Variants in SORCS1 observed in about 807,000 individuals in gnomAD.
SORCS1 encodes VPS10 domain-containing receptor SorCS1.
Under a neutral mutation model 146.1 loss-of-function variants are expected in SORCS1, and 60 were observed. The ratio of observed to expected loss-of-function variants is 0.41; its 90% CI spans 0.33 to 0.51. SORCS1 has a LOEUF of 0.51. Ranked by LOEUF, SORCS1 falls within the 20% of genes least tolerant of loss-of-function variation. The pLI is 0.21. For synonymous variants in SORCS1, 637 were observed against 584.0 expected (o/e 1.09, Z -1.31); for missense variants, 1,352 against 1,487.6 (o/e 0.91, Z 1.50).
At chr10:106,748,755 AGTGT>A (rs966238312) in intron 5 of SORCS1, among the ~76,000 whole-genome samples, 1 of 152,114 alleles carries the variant, frequency 6.6e-6, no homozygotes, top group Non-Finnish European at 1.5e-5. Flanking sequence ...CCTGTGTGTG[AGTGT>A]GTGTAACAAT....
intron 2 of SORCS1, among the ~76,000 whole-genome samples, chr10:106,945,594 T>C (rs996556142): frequency 5.3e-5 from 8 of 152,218 alleles, no homozygotes; most frequent in Admixed American, 1.3e-4. Flanking sequence ...GGAATTAATA[T>C]TCTAAATGCT....
intron 24 of SORCS1, among the ~76,000 whole-genome samples, chr10:106,594,908 T>C (rs2133298422): frequency 6.6e-6 from 1 of 152,366 alleles, no homozygotes; most frequent in East Asian, 1.9e-4. Flanking sequence ...CATGGTCTGA[T>C]TAGATGAAAT....
intron 18 of SORCS1, among the ~76,000 whole-genome samples, chr10:106,645,764 TTATTA>T (rs1422725872): frequency 6.6e-6 from 1 of 151,988 alleles, no homozygotes; most frequent in Non-Finnish European, 1.5e-5. Context: ...CAAAATAATT[TTATTA>T]TTTTATTACT....
At chr10:106,659,162 C>T (rs1365803425) in intron 17 of SORCS1, among the ~76,000 whole-genome samples, 1 of 152,230 alleles carries the variant, frequency 6.6e-6, no homozygotes, top group Non-Finnish European at 1.5e-5. Context: ...CCAAGTTTCT[C>T]TCTTCAAGGC....
At chr10:106,822,393 T>C (rs1281446736) in intron 3 of SORCS1, among the ~76,000 whole-genome samples, 1 of 152,154 alleles carries the variant, frequency 6.6e-6, no homozygotes, top group Non-Finnish European at 1.5e-5. Flanking sequence ...CCGCAGGGAC[T>C]TCTTGGAGTG....
intron 1 of SORCS1, among the ~76,000 whole-genome samples, chr10:106,965,452 A>G (rs1431555509): frequency 6.6e-6 from 1 of 152,144 alleles, no homozygotes; most frequent in Non-Finnish European, 1.5e-5. Context: ...AGAGTGGGGA[A>G]TGGCTGCTGA....
intron 18 of SORCS1, among the ~76,000 whole-genome samples, chr10:106,634,194 A>G (rs190381430): frequency 1.6e-4 from 25 of 152,338 alleles, no homozygotes; most frequent in Middle Eastern, 3.4e-3. Context: ...CGCTAGGAAA[A>G]TGAGTTGCTG....
intron 5 of SORCS1, among the ~76,000 whole-genome samples, chr10:106,745,970 A>G (rs990439513): frequency 6.6e-6 from 1 of 152,228 alleles, no homozygotes; most frequent in African/African-American, 2.4e-5. Flanking sequence ...TCATGAGAAA[A>G]TATCAGACTA....
intron 6 of SORCS1, among the ~76,000 whole-genome samples, chr10:106,724,525 TAAAATAAAAATAAA>T (rs1242835740): frequency 2.7e-5 from 4 of 150,820 alleles, no homozygotes; most frequent in South Asian, 2.1e-4. Flanking sequence ...CAAAATAAAA[TAAAATAAAAATAAA>T]AAAATAAAAA....
chr10:106,813,286 G>C (rs7906135), intron 3 of SORCS1, among the ~76,000 whole-genome samples: 14,702 of 151,214 alleles, frequency 0.097, 1,419 homozygotes, highest in African/African-American at 0.24. Context: ...GCACCCACCC[G>C]CAAGCCCAGC....
intron 24 of SORCS1, among the ~76,000 whole-genome samples, chr10:106,581,913 T>A (rs903067666): frequency 2.0e-5 from 3 of 152,132 alleles, no homozygotes; most frequent in Non-Finnish European, 2.9e-5. Flanking sequence ...GGGCCACAGA[T>A]GATTGGGATG....
the SORCS1 span, among the ~76,000 whole-genome samples, chr10:107,169,883 TATACA>T: frequency 7.2e-5 from 11 of 152,184 alleles, no homozygotes; most frequent in Middle Eastern, 6.3e-3. Flanking sequence ...ATGCAGTGCT[TATACA>T]ATCATTTCAG....
chr10:106,995,201 C>G (rs1956941733), intron 1 of SORCS1, among the ~76,000 whole-genome samples: 1 of 151,722 alleles, frequency 6.6e-6, no homozygotes, highest in Admixed American at 6.6e-5. Flanking sequence ...GTAGTCCCAG[C>G]TACTCGGGAG....
At chr10:107,036,884 C>T (rs755848242) in intron 1 of SORCS1, among the ~76,000 whole-genome samples, 15 of 152,312 alleles carry the variant, frequency 9.8e-5, no homozygotes, top group Non-Finnish European at 1.8e-4. Context: ...TCCTCCTTAT[C>T]GTTCAGGCTT....
chr10:107,131,446 G>A (rs144057647), intron 1 of SORCS1, among the ~76,000 whole-genome samples: 6 of 152,180 alleles, frequency 3.9e-5, no homozygotes, highest in Non-Finnish European at 8.8e-5. Flanking sequence ...CTTTTGGCCC[G>A]ATGCAGTGGC....
chr10:106,841,366 A>G (rs1318823665), intron 2 of SORCS1, among the ~76,000 whole-genome samples: 1 of 151,982 alleles, frequency 6.6e-6, no homozygotes, highest in East Asian at 2.0e-4. Flanking sequence ...GCTACTCGGG[A>G]GGCTGAGGTG....
chr10:106,754,756 T>C (rs528149881), intron 5 of SORCS1, among the ~76,000 whole-genome samples: 15 of 152,248 alleles, frequency 9.9e-5, no homozygotes, highest in Admixed American at 9.2e-4. Flanking sequence ...ACAGATGTCA[T>C]ATAACTCCCG....
chr10:106,730,063 T>TGCA lies in SORCS1; in HGVS notation c.1010_1011insTGC (p.Arg337delinsSerAla). On this transcript the variant is annotated protein_altering_variant, in exon 6 of 26. Transcript: ENST00000263054. ...TGATTTACTTACGACCATCCACAGT[T>TGCA]CTGGCCTCAAGATGCACAAGGTCTG... The TGCA allele has an allele frequency of 6.2e-7, 1 of 1,614,136 alleles. No homozygotes were observed. Among genetic ancestry groups the TGCA allele is most frequent in the Non-Finnish European group, 8.5e-7 (1 of 1,180,016 alleles).
intron 17 of SORCS1, 83 bp downstream of exon 17, chr10:106,667,606 G>T: frequency 3.3e-6 from 3 of 902,534 alleles, no homozygotes; most frequent in African/African-American, 1.6e-5. Context: ...CTTGGTCCTT[G>T]ATCAGAAGTA....
Sources: allele counts gnomAD v4.1 joint callset (sites outside exome capture counted in the v4.1 genomes callset), GRCh38; gene constraint gnomAD v4.1.1; transcripts MANE v1.5; gene names NCBI Gene and HGNC (gene_info 2026-07-23, HGNC 2026-07-21).